AGBL4: variants seen among roughly 807,000 people sequenced by gnomAD.
AGBL4 encodes the protein AGBL carboxypeptidase 4, also known as cytosolic carboxypeptidase 6.
Under a neutral mutation model 66.4 loss-of-function variants are expected in AGBL4, and 58 were observed. The observed-to-expected ratio is 0.87, with a 90% CI of 0.71 to 1.09. AGBL4 has a LOEUF of 1.09. AGBL4 is among the 50% of genes least tolerant of loss of function. The pLI, the probability that AGBL4 is intolerant of heterozygous loss-of-function variation, is 0.00. For missense variants in AGBL4, 579 were observed against 631.0 expected (o/e 0.92, Z 0.88); for synonymous variants, 234 against 222.9 (o/e 1.05, Z -0.44).
chr1:49,903,441 C>T (rs571295833), intron 1 of AGBL4, among the ~76,000 whole-genome samples: 6 of 151,832 alleles, frequency 4.0e-5, no homozygotes, highest in South Asian at 2.1e-4. Flanking sequence ...ATCTGTACAC[C>T]GAACCCCTGT....
At chr1:49,565,386 T>C (rs1644168525) in intron 3 of AGBL4, among the ~76,000 whole-genome samples, 1 of 152,192 alleles carries the variant, frequency 6.6e-6, no homozygotes, top group South Asian at 2.1e-4. Context: ...TTGATGTTGT[T>C]TCTTCCTAGC....
chr1:48,634,309 A>G, intron 9 of AGBL4, 184 bp downstream of exon 9: 1 of 474,208 alleles, frequency 2.1e-6, no homozygotes, highest in Non-Finnish European at 3.8e-6. Flanking sequence ...GAGAGGTTGC[A>G]GGAAAAGAGA....
chr1:48,529,582 T>C (rs1413181584), downstream of AGBL4, among the ~76,000 whole-genome samples: 1 of 152,146 alleles, frequency 6.6e-6, no homozygotes, highest in African/African-American at 2.4e-5. Flanking sequence ...GTCTCCCCTC[T>C]GCTTTGTGGC....
chr1:49,936,798 T>C (rs1033390656), intron 1 of AGBL4, among the ~76,000 whole-genome samples: 2 of 152,114 alleles, frequency 1.3e-5, no homozygotes, highest in African/African-American at 4.8e-5. Context: ...CTGAGAGATT[T>C]TGTCACCACA....
At chr1:49,950,836 T>C (rs1360548502) in intron 1 of AGBL4, among the ~76,000 whole-genome samples, 2 of 151,914 alleles carry the variant, frequency 1.3e-5, no homozygotes, top group African/African-American at 4.8e-5. Flanking sequence ...TCAACCCAAG[T>C]GTCAATTGAT....
chr1:49,372,808 G>C (rs909565508), intron 3 of AGBL4, among the ~76,000 whole-genome samples: 4 of 149,882 alleles, frequency 2.7e-5, no homozygotes, highest in Admixed American at 2.0e-4. Context: ...TCCTAGGCTG[G>C]AGTGCAGTGG....
chr1:48,751,001 G>C (rs1651645863), intron 6 of AGBL4, among the ~76,000 whole-genome samples: 1 of 152,162 alleles, frequency 6.6e-6, no homozygotes, highest in African/African-American at 2.4e-5. Context: ...CATGTTGGCT[G>C]AACACAAACC....
chr1:49,418,678 T>A (rs570045747), intron 3 of AGBL4, among the ~76,000 whole-genome samples: 27 of 152,184 alleles, frequency 1.8e-4, no homozygotes, highest in Non-Finnish European at 3.5e-4. Flanking sequence ...ATCCCCCCTG[T>A]GCTTAAAAGA....
intron 1 of AGBL4, among the ~76,000 whole-genome samples, chr1:49,915,882 G>A (rs1488113738): frequency 2.0e-5 from 3 of 152,188 alleles, no homozygotes; most frequent in South Asian, 2.1e-4. Flanking sequence ...CCTCTGAGAC[G>A]AAGCTTCCAG....
intron 2 of AGBL4, among the ~76,000 whole-genome samples, chr1:49,789,035 AGAGTT>A (rs1282486746): frequency 6.6e-6 from 1 of 152,186 alleles, no homozygotes; most frequent in African/African-American, 2.4e-5. Context: ...TAGTTTATTG[AGAGTT>A]TTGAGCATGA....
intron 1 of AGBL4, among the ~76,000 whole-genome samples, chr1:49,892,808 A>C (rs1431051099): frequency 6.6e-6 from 1 of 152,124 alleles, no homozygotes; most frequent in Non-Finnish European, 1.5e-5. Flanking sequence ...TCTGTTTCAT[A>C]CTTGCTCTTA....
intron 12 of AGBL4, among the ~76,000 whole-genome samples, chr1:48,535,438 T>A (rs1408634186): frequency 6.6e-6 from 1 of 152,212 alleles, no homozygotes; most frequent in African/African-American, 2.4e-5. Context: ...CATCTCTTTC[T>A]CTCATGAGAC....
chr1:49,873,828 A>T (rs1477944980), intron 1 of AGBL4, among the ~76,000 whole-genome samples: 1 of 152,234 alleles, frequency 6.6e-6, no homozygotes, highest in African/African-American at 2.4e-5. Context: ...ATCTAAATTG[A>T]TTGAGAAAAA....
At chr1:49,559,430 C>T (rs1189548444) in intron 3 of AGBL4, among the ~76,000 whole-genome samples, 1 of 152,106 alleles carries the variant, frequency 6.6e-6, no homozygotes, top group Non-Finnish European at 1.5e-5. Context: ...TAAGTGTCAA[C>T]TTGATTGAAG....
intron 5 of AGBL4, among the ~76,000 whole-genome samples, chr1:48,948,231 C>T (rs181233651): frequency 2.6e-5 from 4 of 152,314 alleles, no homozygotes; most frequent in Non-Finnish European, 5.9e-5. Context: ...CCTCCCTGCC[C>T]GGGTCCAGTG....
In AGBL4 at chr1:49,379,925, C is replaced by A. The variant is rs527289964; in HGVS notation, c.283-134061G>T. On this transcript the variant is annotated intron_variant, in intron 3 of 13. Transcript: ENST00000371839. The stretch of plus-strand genomic sequence containing the variant: ...AGTCAGGGAGGATTGGAAGCATTCC[C>A]TTTGAAAACTGGCCTAAGACAGGGA... 4.4e-4 allele frequency among the ~76,000 whole-genome samples: 67 copies of A among 152,262 alleles called. 1 individual carries two copies. The highest frequency in any genetic ancestry group is 1.4e-3 in the African/African-American group (60 of 41,562).
intron 3 of AGBL4, among the ~76,000 whole-genome samples, chr1:49,617,338 T>A (rs966898631): frequency 1.4e-4 from 22 of 152,184 alleles, no homozygotes; most frequent in Admixed American, 1.4e-3. Flanking sequence ...CTCAGTGAGA[T>A]ATTCCCTGTA....
chr1:49,215,700 G>C (rs1032774879), intron 4 of AGBL4, among the ~76,000 whole-genome samples: 21 of 151,934 alleles, frequency 1.4e-4, no homozygotes, highest in African/African-American at 4.4e-4. Context: ...CAATATGCTG[G>C]GTTACAATTC....
chr1:49,312,047 A>G (rs1206898937), intron 3 of AGBL4, among the ~76,000 whole-genome samples: 4 of 152,098 alleles, frequency 2.6e-5, no homozygotes, highest in African/African-American at 9.7e-5. Flanking sequence ...ATACTATGGC[A>G]AAAGGAAAGA....
Sources: gnomAD v4.1 joint callset for allele counts (sites outside exome capture counted in the v4.1 genomes callset) on GRCh38, gnomAD v4.1.1 for gene constraint, MANE v1.5 for transcripts, NCBI Gene and HGNC (gene_info 2026-07-23, HGNC 2026-07-21) for gene names.